Variants in AKAP7 observed in about 807,000 individuals in gnomAD.
The protein encoded by AKAP7 is A-kinase anchoring protein 7.
A neutral mutation model predicts 39.5 loss-of-function variants in AKAP7; 39 were observed. The observed-to-expected ratio is 0.99, with a 90% CI of 0.76 to 1.29. The LOEUF (loss-of-function observed/expected upper bound fraction) is 1.29, where lower values mean the gene tolerates loss of function less well. Ranked by LOEUF, AKAP7 falls within the 50% of genes most tolerant of loss-of-function variation. The pLI is 0.00. For synonymous variants in AKAP7, 140 were observed against 139.1 expected (o/e 1.01, Z -0.05); for missense variants, 414 against 407.7 (o/e 1.02, Z -0.13).
intron 5 of AKAP7, among the ~76,000 whole-genome samples, chr6:131,193,554 G>A (rs1465736390): frequency 6.6e-6 from 1 of 151,978 alleles, no homozygotes; most frequent in African/African-American, 2.4e-5. Flanking sequence ...TTGATATCAG[G>A]GTAATACTGG....
At chr6:131,185,949 C>CTCT (rs1355660663) in intron 5 of AKAP7, among the ~76,000 whole-genome samples, 1 of 152,112 alleles carries the variant, frequency 6.6e-6, no homozygotes, top group East Asian at 1.9e-4. Flanking sequence ...ATAATTTTAA[C>CTCT]TCTTATGTTT....
intron 6 of AKAP7, among the ~76,000 whole-genome samples, chr6:131,205,651 G>T (rs549221406): frequency 6.6e-6 from 1 of 152,160 alleles, no homozygotes; most frequent in Non-Finnish European, 1.5e-5. Flanking sequence ...GCTGAGTTGA[G>T]GCTAAGGACA....
chr6:131,274,686 TCCCTTTATC>T (rs1015732422), intron 7 of AKAP7, among the ~76,000 whole-genome samples: 2 of 152,078 alleles, frequency 1.3e-5, no homozygotes, highest in African/African-American at 4.8e-5. Flanking sequence ...GGTACATAGG[TCCCTTTATC>T]CCCACCTGTT....
intron 6 of AKAP7, among the ~76,000 whole-genome samples, chr6:131,200,560 T>C (rs1405542322): frequency 6.6e-6 from 1 of 152,190 alleles, no homozygotes; most frequent in Non-Finnish European, 1.5e-5. Flanking sequence ...GAAAAGTCTT[T>C]TGGGCCCTTT....
chr6:131,164,257 CTT>C (rs1436502545), intron 3 of AKAP7: 1 of 421,078 alleles, frequency 2.4e-6, no homozygotes, highest in East Asian at 7.1e-5. Flanking sequence ...TCTGTGCTCT[CTT>C]TTCTCTGTTG....
At position 131,135,668 on chromosome 6, in the gene AKAP7, C is replaced by T. The variant is rs1040494320; in HGVS notation, c.-96C>T. The T allele has an allele frequency of 1.7e-5, 18 of 1,058,676 alleles. No homozygotes were observed. In the African/African-American group the frequency reaches 2.4e-4, roughly 14 times the overall value. The allele number at this position is 1,058,676 out of a possible 1,614,324, so 65.6% of individuals were successfully genotyped here. A position where few individuals can be genotyped will look rare whatever the true frequency, so the allele number is the denominator to read the frequency against. On this transcript the variant is annotated 5_prime_UTR_variant, in exon 1 of 8. Coordinates refer to ENST00000431975, the MANE Select transcript of AKAP7 (RefSeq NM_016377.4). ...ACCGCCCTCAGGCCCCGAGCCCCGC[C>T]CTGGCCTCCGCCTCGGCCTCGCCTC...
chr6:131,223,081 G>A (rs1809847819), intron 7 of AKAP7, among the ~76,000 whole-genome samples: 2 of 152,120 alleles, frequency 1.3e-5, no homozygotes, highest in African/African-American at 4.8e-5. Context: ...AAAGTAAAAT[G>A]TTTACATTTT....
At chr6:131,250,162 T>TA in intron 7 of AKAP7, 1 of 990,094 alleles carries the variant, frequency 1.0e-6, no homozygotes, top group Non-Finnish European at 1.2e-6. Flanking sequence ...CATGTGTAAT[T>TA]ACTGCAGTTG....
chr6:131,282,271 T>C lies in AKAP7; in HGVS notation c.*545T>C. 7.3e-7 allele frequency: 1 copy of C among 1,360,966 alleles called. No individual in the cohort carries two copies. The highest frequency in any genetic ancestry group is 9.4e-7 in the Non-Finnish European group (1 of 1,062,446). 84.3% of individuals were successfully genotyped at this position (1,360,966 alleles called of 1,614,324 possible). ...TAAATTATGTTTCATGTAAATGATA[T>C]ATTTTTGGTGAAATGCAACCTTTTC... On this transcript the variant is annotated 3_prime_UTR_variant, in exon 8 of 8. Coordinates refer to ENST00000431975, the MANE Select transcript of AKAP7 (RefSeq NM_016377.4).
intron 7 of AKAP7, chr6:131,242,212 T>C: frequency 1.0e-6 from 1 of 982,970 alleles, no homozygotes; most frequent in Non-Finnish European, 1.2e-6. Flanking sequence ...ATTCTGGCTA[T>C]GAGTAAAGGA....
rs148291698 is a variant in AKAP7 at position 131,224,830 on chromosome 6, A to C, written c.850+5022A>C. Reference sequence around the variant, plus strand: ...AATTTTGGCTTACCACAACCTCTACAACCTCCACCTCCTGGGTTTAGGTGA... The same window carrying C: ...AATTTTGGCTTACCACAACCTCTACCACCTCCACCTCCTGGGTTTAGGTGA... On this transcript the variant is annotated intron_variant, in intron 7 of 7. Coordinates refer to ENST00000431975, the MANE Select transcript of AKAP7 (RefSeq NM_016377.4). Among the ~76,000 whole-genome samples the C allele has an allele frequency of 1.7e-3, 241 of 144,550 alleles. 1 individual carries two copies. The highest frequency in any genetic ancestry group is 4.8e-3 in the Admixed American group (67 of 13,838). The allele number at this position is 144,550 out of a possible 152,430, so 94.8% of individuals were successfully genotyped here.
chr6:131,164,644 T>C (rs940889952), intron 3 of AKAP7: 15 of 320,860 alleles, frequency 4.7e-5, no homozygotes, highest in African/African-American at 3.1e-4. Context: ...CAAATAATTA[T>C]TGCTTCTAAC....
intron 7 of AKAP7, among the ~76,000 whole-genome samples, chr6:131,230,527 C>T (rs1810542305): frequency 6.6e-6 from 1 of 151,988 alleles, no homozygotes; most frequent in Non-Finnish European, 1.5e-5. Flanking sequence ...AATATTTTCT[C>T]CTGTTCTGTA....
intron 6 of AKAP7, among the ~76,000 whole-genome samples, chr6:131,211,564 G>T (rs1485402174): frequency 1.3e-5 from 2 of 151,342 alleles, no homozygotes; most frequent in East Asian, 3.9e-4. Flanking sequence ...AGGAGATTGA[G>T]ACCATCCTGG....
At chr6:131,253,227 C>A in intron 7 of AKAP7, 1 of 886,496 alleles carries the variant, frequency 1.1e-6, no homozygotes, top group Non-Finnish European at 1.7e-6. Flanking sequence ...CTGTTTTAGT[C>A]TATTGATAGC....
intron 5 of AKAP7, among the ~76,000 whole-genome samples, chr6:131,177,972 T>C (rs1344418036): frequency 1.3e-5 from 2 of 152,154 alleles, no homozygotes; most frequent in Non-Finnish European, 2.9e-5. Context: ...TCATCCACAT[T>C]CTCTTAGTTT....
chr6:131,193,348 C>T (rs1362489241), intron 5 of AKAP7, among the ~76,000 whole-genome samples: 1 of 151,988 alleles, frequency 6.6e-6, no homozygotes, highest in Non-Finnish European at 1.5e-5. Flanking sequence ...GGTTTTTGTT[C>T]TTCATTCTGT....
intron 7 of AKAP7, among the ~76,000 whole-genome samples, chr6:131,243,711 T>TGA (rs1308964986): frequency 6.6e-6 from 1 of 152,204 alleles, no homozygotes; most frequent in Non-Finnish European, 1.5e-5. Flanking sequence ...AAATATAGAT[T>TGA]GAGAGCATTC....
At chr6:131,174,116 A>G (rs1804345341) in intron 5 of AKAP7, among the ~76,000 whole-genome samples, 1 of 152,248 alleles carries the variant, frequency 6.6e-6, no homozygotes, top group African/African-American at 2.4e-5. Context: ...ATTATAAAAA[A>G]TAGAAGCTGG....
Sources: gnomAD v4.1 joint callset for allele counts (sites outside exome capture counted in the v4.1 genomes callset) on GRCh38, gnomAD v4.1.1 for gene constraint, MANE v1.5 for transcripts, NCBI Gene and HGNC (gene_info 2026-07-23, HGNC 2026-07-21) for gene names.